The following MEGF6 variants were observed in gnomAD, a reference collection of about 807,000 sequenced individuals.
MEGF6 encodes multiple epidermal growth factor-like domains protein 6.
Under a neutral mutation model 207.1 loss-of-function variants are expected in MEGF6, and 184 were observed. That is an observed-to-expected ratio of 0.89 (90% CI 0.79 to 1.00). The LOEUF (loss-of-function observed/expected upper bound fraction) is 1.00. Ranked by LOEUF, MEGF6 falls within the 50% of genes least tolerant of loss-of-function variation. MEGF6 has a pLI of 0.00. For synonymous variants in MEGF6, 1,038 were observed against 910.0 expected, an observed-to-expected ratio of 1.14 and a Z score of -2.53; for missense variants, 2,282 against 2,202.9, an observed-to-expected ratio of 1.04 and a Z score of -0.72.
In MEGF6 at chr1:3,490,452, C is replaced by T; in HGVS notation, c.*76G>A. ...CAGGAGCTCTGGGCCCGTGAAGTGT[C>T]CTTCTCAGTGGTCACCAAAGGCCAG... On this transcript the variant is annotated 3_prime_UTR_variant, in exon 37 of 37. Coordinates refer to ENST00000356575, the MANE Select transcript of MEGF6 (RefSeq NM_001409.4). The T allele has an allele frequency of 3.9e-6, 6 of 1,525,318 alleles. No individual in the cohort carries two copies. In the South Asian group the frequency reaches 6.8e-5, roughly 17 times the overall value. The allele number at this position is 1,525,318 out of a possible 1,614,324, so 94.5% of individuals were successfully genotyped here.
intron 1 of MEGF6, among the ~76,000 whole-genome samples, chr1:3,608,139 C>T (rs1251863830): frequency 6.6e-6 from 1 of 152,100 alleles, no homozygotes; most frequent in Non-Finnish European, 1.5e-5. Context: ...CCATGGTTCT[C>T]CTCTGCTTAT....
chr1:3,514,686 C>T lies in MEGF6; in HGVS notation c.731-14G>A. On this transcript the variant is annotated splice_polypyrimidine_tract_variant and intron_variant, in intron 6 of 36. Coordinates refer to ENST00000356575, the MANE Select transcript of MEGF6 (RefSeq NM_001409.4). The stretch of plus-strand genomic sequence containing the variant: ...ACGGGCTTCTACCTGCAGCCACGGG[C>T]CCGAGGAGGGGGTTGGGGAGAGGGG... 6.4e-7 allele frequency: 1 copy of T among 1,563,540 alleles called. No homozygotes were observed. The highest frequency in any genetic ancestry group is 8.6e-7 in the Non-Finnish European group (1 of 1,156,640).
At chr1:3,620,338 C>T in the MEGF6 span, among the ~76,000 whole-genome samples, 2 of 152,312 alleles carry the variant, frequency 1.3e-5, no homozygotes, top group African/African-American at 4.8e-5. Flanking sequence ...GAAATGTCTC[C>T]AAGACATTTC....
At chr1:3,507,658 A>G (rs1344010966) in intron 14 of MEGF6, 137 bp downstream of exon 14, 78 of 1,097,120 alleles carry the variant, frequency 7.1e-5, no homozygotes, top group African/African-American at 4.6e-5. Flanking sequence ...AAGGAAAGGG[A>G]GTCTAGGAAA....
chr1:3,582,553 A>C (rs1049792656), intron 3 of MEGF6, among the ~76,000 whole-genome samples: 3 of 151,728 alleles, frequency 2.0e-5, no homozygotes, highest in Admixed American at 2.0e-4. Context: ...TCCATTCTCT[A>C]CCCTGCTGCC....
At chr1:3,496,545 G>T in intron 29 of MEGF6, 110 bp downstream of exon 29, 4 of 1,478,928 alleles carry the variant, frequency 2.7e-6, no homozygotes, top group South Asian at 1.2e-5. Flanking sequence ...GCCAGAGGGG[G>T]CTGAAGGGCA....
intron 2 of MEGF6, among the ~76,000 whole-genome samples, chr1:3,597,369 C>T (rs1197163754): frequency 1.3e-5 from 2 of 152,232 alleles, no homozygotes; most frequent in East Asian, 3.9e-4. Context: ...CAGCCTCCAC[C>T]CTCACTCTAG....
At chr1:3,591,782 GC>G in intron 3 of MEGF6, among the ~76,000 whole-genome samples, 1 of 110,730 alleles carries the variant, frequency 9.0e-6, no homozygotes, top group Non-Finnish European at 1.9e-5. Flanking sequence ...AGGTCTCGTA[GC>G]TCACAAGGGA....
At position 3,520,235 on chromosome 1, in the gene MEGF6, T is replaced by C. The variant is rs574526099; in HGVS notation, c.604+3889A>G. ...CCATGTCCAAGGCTAGGGTCCAGAG[T>C]CAGCCAGGCCGCCTCCGGGGTCATG... On this transcript the variant is annotated intron_variant, in intron 5 of 36. Coordinates refer to ENST00000356575, the MANE Select transcript of MEGF6 (RefSeq NM_001409.4). Among the ~76,000 whole-genome samples, 258 of 152,104 alleles carry C rather than the reference T, an allele frequency of 1.7e-3. 1 individual carries two copies. The highest frequency in any genetic ancestry group is 5.3e-3 in the African/African-American group (221 of 41,488).
chr1:3,612,997 T>C (rs2101924247), upstream of MEGF6, among the ~76,000 whole-genome samples: 1 of 152,330 alleles, frequency 6.6e-6, no homozygotes, highest in African/African-American at 2.4e-5. Flanking sequence ...GGGGTCTGGC[T>C]CTGGGGACCT....
chr1:3,554,532 G>A (rs1456400749), intron 4 of MEGF6, among the ~76,000 whole-genome samples: 1 of 152,198 alleles, frequency 6.6e-6, no homozygotes, highest in Non-Finnish European at 1.5e-5. Flanking sequence ...TGGGGCTGAT[G>A]TACCAGAGTG....
chr1:3,540,713 C>A (rs1213729807), intron 4 of MEGF6, among the ~76,000 whole-genome samples: 1 of 152,206 alleles, frequency 6.6e-6, no homozygotes, highest in Admixed American at 6.5e-5. Context: ...CTTCTCAGGG[C>A]AGCTTCACAG....
intron 5 of MEGF6, among the ~76,000 whole-genome samples, chr1:3,521,669 G>A (rs1481446470): frequency 6.6e-6 from 1 of 152,202 alleles, no homozygotes; most frequent in Non-Finnish European, 1.5e-5. Context: ...ACAGAGAGCA[G>A]CTCCCGCTGG....
At chr1:3,529,431 A>G (rs1642073190) in intron 4 of MEGF6, among the ~76,000 whole-genome samples, 1 of 152,336 alleles carries the variant, frequency 6.6e-6, no homozygotes, top group South Asian at 2.1e-4. Flanking sequence ...CAGGCCAGAG[A>G]GGCCCCAGAC....
chr1:3,493,259 C>T (rs1640450294), intron 34 of MEGF6: 1 of 216,758 alleles, frequency 4.6e-6, no homozygotes, highest in Non-Finnish European at 9.2e-6. Context: ...CCCCTCCTAT[C>T]CTCAGGTGAG....
At chr1:3,493,030 C>A (rs1006626092) in intron 34 of MEGF6, 11 of 507,408 alleles carry the variant, frequency 2.2e-5, no homozygotes, top group African/African-American at 9.5e-5. Flanking sequence ...GAGTCACCAC[C>A]GAGTTCCTGC....
At chr1:3,531,817 G>T (rs931722743) in intron 4 of MEGF6, among the ~76,000 whole-genome samples, 2 of 151,994 alleles carry the variant, frequency 1.3e-5, no homozygotes, top group Non-Finnish European at 2.9e-5. Context: ...GCCGCGGGGC[G>T]GGGGAGGGGG....
intron 35 of MEGF6, 79 bp from the exon 36 acceptor site, chr1:3,491,038 C>T (rs1640337179): frequency 1.1e-5 from 15 of 1,368,778 alleles, no homozygotes; most frequent in Non-Finnish European, 1.5e-5. Context: ...GGCGTGACCC[C>T]ATCCAGGCCT....
chr1:3,530,155 G>A (rs1376804463), intron 4 of MEGF6, among the ~76,000 whole-genome samples: 1 of 152,176 alleles, frequency 6.6e-6, no homozygotes, highest in African/African-American at 2.4e-5. Context: ...CCGCCCAGCC[G>A]GAAGGCTGCC....
Sources: allele counts gnomAD v4.1 joint callset (sites outside exome capture counted in the v4.1 genomes callset), GRCh38; gene constraint gnomAD v4.1.1; transcripts MANE v1.5; gene names NCBI Gene and HGNC (gene_info 2026-07-23, HGNC 2026-07-21).